Variants in MACROD2 observed in about 807,000 individuals in gnomAD.
MACROD2 encodes the protein mono-ADP ribosylhydrolase 2, also known as ADP-ribose glycohydrolase MACROD2.
In MACROD2, 36 loss-of-function variants were observed where a neutral mutation model predicts 70.4. The observed-to-expected ratio is 0.51, with a 90% CI of 0.39 to 0.68. The LOEUF is 0.68. Among genes scored for constraint, MACROD2 ranks in the 30% least tolerant of loss-of-function variants. MACROD2 has a pLI of 0.00. For missense variants in MACROD2, 496 were observed against 538.4 expected (o/e 0.92, Z 0.78); for synonymous variants, 172 against 178.8 (o/e 0.96, Z 0.30).
chr20:15,195,590 G>GTTTGTAAGGTTTTT (rs1157226038), intron 5 of MACROD2, among the ~76,000 whole-genome samples: 1 of 152,154 alleles, frequency 6.6e-6, no homozygotes, highest in Non-Finnish European at 1.5e-5. Flanking sequence ...AACAGATGTT[G>GTTTGTAAGGTTTTT]GTAAGGTTGC....
chr20:14,872,223 AGTT>A (rs1282120058), intron 5 of MACROD2, among the ~76,000 whole-genome samples: 2 of 152,152 alleles, frequency 1.3e-5, no homozygotes, highest in African/African-American at 4.8e-5. Flanking sequence ...TGGTTTCTGC[AGTT>A]GTTGTGAGCA....
At chr20:15,688,362 A>G (rs2050254572) in intron 8 of MACROD2, among the ~76,000 whole-genome samples, 1 of 152,238 alleles carries the variant, frequency 6.6e-6, no homozygotes, top group African/African-American at 2.4e-5. Context: ...TAGAGGAACC[A>G]GGGAAGAATC....
intron 5 of MACROD2, among the ~76,000 whole-genome samples, chr20:15,139,504 C>T (rs961961970): frequency 7.2e-5 from 11 of 152,012 alleles, no homozygotes; most frequent in African/African-American, 1.2e-4. Context: ...GCTTTATTGC[C>T]GTCAACATAT....
intron 5 of MACROD2, among the ~76,000 whole-genome samples, chr20:15,041,439 C>T (rs1410180529): frequency 1.3e-5 from 2 of 150,670 alleles, no homozygotes; most frequent in Admixed American, 1.3e-4. Context: ...AAATTAATTT[C>T]TCTCTCTCTC....
At chr20:15,350,772 C>T (rs1429748456) in intron 6 of MACROD2, among the ~76,000 whole-genome samples, 2 of 152,036 alleles carry the variant, frequency 1.3e-5, no homozygotes, top group East Asian at 3.9e-4. Context: ...ATTGAAGCAA[C>T]TTAGACTTAT....
chr20:15,431,568 A>G (rs1359375906), intron 7 of MACROD2, 133 bp downstream of exon 7: 4 of 780,246 alleles, frequency 5.1e-6, no homozygotes, highest in Admixed American at 2.4e-5. Context: ...TGCTCGTCAA[A>G]TCCCATTAAA....
rs1407106583 is a variant in MACROD2, at chr20:16,050,583, T to G, written c.*707T>G. The G allele has an allele frequency of 6.6e-6, 1 of 152,312 alleles. No homozygotes were observed. The highest frequency in any genetic ancestry group is 1.5e-5 in the Non-Finnish European group (1 of 68,138). 9.4% of individuals were successfully genotyped at this position (152,312 alleles called of 1,614,324 possible). ...ACCATGGTGGCAGGTGCATCCTTCTTTGACACTGACTTTCAGCAGAGCTTA... is the reference window on the plus strand; with the variant it reads ...ACCATGGTGGCAGGTGCATCCTTCTGTGACACTGACTTTCAGCAGAGCTTA... On this transcript the variant is annotated 3_prime_UTR_variant, in exon 18 of 18. Transcript: ENST00000684519.
At chr20:15,396,840 C>T (rs2045866188) in intron 6 of MACROD2, among the ~76,000 whole-genome samples, 1 of 152,156 alleles carries the variant, frequency 6.6e-6, no homozygotes. Flanking sequence ...CATGGGCCTA[C>T]TGGGAACACC....
intron 8 of MACROD2, among the ~76,000 whole-genome samples, chr20:15,859,587 T>A (rs1271617593): frequency 6.6e-6 from 1 of 152,186 alleles, no homozygotes; most frequent in Non-Finnish European, 1.5e-5. Context: ...TGCACGCTTA[T>A]AATAAATACA....
chr20:16,018,068 C>G (rs556194888), intron 15 of MACROD2, among the ~76,000 whole-genome samples: 1 of 152,152 alleles, frequency 6.6e-6, no homozygotes, highest in South Asian at 2.1e-4. Context: ...CTTTAGCCCT[C>G]TTCATCAAAT....
chr20:15,853,756 C>T (rs1049263563), intron 8 of MACROD2, among the ~76,000 whole-genome samples: 1 of 152,124 alleles, frequency 6.6e-6, no homozygotes, highest in Non-Finnish European at 1.5e-5. Flanking sequence ...TCAGCTGACA[C>T]CTTGATTTTA....
intron 15 of MACROD2, among the ~76,000 whole-genome samples, chr20:16,003,493 G>C (rs561270045): frequency 1.3e-5 from 2 of 152,124 alleles, no homozygotes; most frequent in African/African-American, 2.4e-5. Context: ...AACAGGCTGC[G>C]TAACACTGCT....
chr20:14,904,575 G>A (rs1811201186), intron 5 of MACROD2, among the ~76,000 whole-genome samples: 2 of 152,080 alleles, frequency 1.3e-5, no homozygotes, highest in East Asian at 3.9e-4. Context: ...TACAACAGTG[G>A]AGATAAACTC....
chr20:14,066,215 C>G (rs1210132955), intron 2 of MACROD2, among the ~76,000 whole-genome samples: 2 of 152,124 alleles, frequency 1.3e-5, no homozygotes, highest in Non-Finnish European at 2.9e-5. Flanking sequence ...ATTATTTGTG[C>G]TTTATTATGT....
intron 6 of MACROD2, among the ~76,000 whole-genome samples, chr20:15,362,346 G>A (rs1165264498): frequency 2.0e-5 from 3 of 152,022 alleles, no homozygotes; most frequent in Non-Finnish European, 4.4e-5. Context: ...CATGAGTGGT[G>A]AGAGCGGACA....
intron 2 of MACROD2, among the ~76,000 whole-genome samples, chr20:14,040,103 G>A (rs2053371793): frequency 6.6e-6 from 1 of 152,126 alleles, no homozygotes; most frequent in African/African-American, 2.4e-5. Context: ...ACAGTCGTGT[G>A]TTGCCAACAA....
At chr20:15,339,854 A>C (rs897921799) in intron 6 of MACROD2, among the ~76,000 whole-genome samples, 1 of 151,670 alleles carries the variant, frequency 6.6e-6, no homozygotes, top group African/African-American at 2.4e-5. Context: ...TCAAAACCAA[A>C]AAAAGAATAT....
At chr20:15,328,031 A>G (rs112380555) in intron 6 of MACROD2, among the ~76,000 whole-genome samples, 22 of 152,218 alleles carry the variant, frequency 1.4e-4, no homozygotes, top group African/African-American at 5.3e-4. Flanking sequence ...TAGAATATAT[A>G]TTTTTATAAA....
At chr20:14,519,408 G>A (rs557749528) in intron 4 of MACROD2, among the ~76,000 whole-genome samples, 3 of 152,158 alleles carry the variant, frequency 2.0e-5, no homozygotes, top group Admixed American at 1.3e-4. Context: ...AGGGGGAAAA[G>A]GACTGAACAG....
Sources: gnomAD v4.1 joint callset for allele counts (sites outside exome capture counted in the v4.1 genomes callset) on GRCh38, gnomAD v4.1.1 for gene constraint, MANE v1.5 for transcripts, NCBI Gene and HGNC (gene_info 2026-07-23, HGNC 2026-07-21) for gene names.